Variants in MEIS1 observed in about 807,000 individuals in gnomAD.
The protein encoded by MEIS1 is homeobox protein Meis1.
Under a neutral mutation model 50.8 loss-of-function variants are expected in MEIS1, and 5 were observed. The observed-to-expected ratio is 0.10, with a 90% confidence interval of 0.05 to 0.21. The LOEUF is 0.21. MEIS1 is among the 10% of genes least tolerant of loss of function. The pLI, the probability that MEIS1 is intolerant of heterozygous loss-of-function variation, is 1.00. For missense variants in MEIS1, 318 were observed against 517.3 expected, an observed-to-expected ratio of 0.61 and a Z score of 3.74; for synonymous variants, 176 against 179.3, an observed-to-expected ratio of 0.98 and a Z score of 0.15.
At chr2:66,566,779 C>A (rs148227215) in intron 9 of MEIS1, among the ~76,000 whole-genome samples, 1 of 146,142 alleles carries the variant, frequency 6.8e-6, no homozygotes, top group East Asian at 2.1e-4. Flanking sequence ...TATCTGTGAC[C>A]TTGCCTTGAC....
At chr2:66,481,076 G>T (rs534221657) in intron 7 of MEIS1, among the ~76,000 whole-genome samples, 12 of 152,136 alleles carry the variant, frequency 7.9e-5, no homozygotes, top group Non-Finnish European at 1.6e-4. Flanking sequence ...GTAGAAATGA[G>T]CAGAGAGGCA....
At chr2:66,565,725 A>G (rs1446697948) in intron 9 of MEIS1, among the ~76,000 whole-genome samples, 1 of 152,226 alleles carries the variant, frequency 6.6e-6, no homozygotes, top group Non-Finnish European at 1.5e-5. Flanking sequence ...CTGGAAAAAG[A>G]AAGTTAATAG....
At chr2:66,482,094 T>C (rs934433185) in intron 7 of MEIS1, among the ~76,000 whole-genome samples, 1 of 152,096 alleles carries the variant, frequency 6.6e-6, no homozygotes, top group African/African-American at 2.4e-5. Flanking sequence ...TCTCTTGACC[T>C]TGTGATCTGC....
At chr2:66,524,000 G>A (rs1674188927) in intron 8 of MEIS1, among the ~76,000 whole-genome samples, 1 of 152,216 alleles carries the variant, frequency 6.6e-6, no homozygotes, top group Admixed American at 6.5e-5. Flanking sequence ...AGGAAGGCAA[G>A]GAGAGAAGCA....
At chr2:66,478,291 A>C (rs945174131) in intron 7 of MEIS1, among the ~76,000 whole-genome samples, 6 of 152,216 alleles carry the variant, frequency 3.9e-5, no homozygotes, top group African/African-American at 1.4e-4. Context: ...CATTGCTTTT[A>C]GGCCCCAAGA....
chr2:66,510,053 C>G (rs774092552), intron 7 of MEIS1, among the ~76,000 whole-genome samples: 6 of 152,078 alleles, frequency 3.9e-5, no homozygotes, highest in Non-Finnish European at 8.8e-5. Flanking sequence ...CATTTTTAAT[C>G]AATGATCAGG....
chr2:66,459,201 G>A (rs532826543), intron 6 of MEIS1, among the ~76,000 whole-genome samples: 12 of 152,274 alleles, frequency 7.9e-5, no homozygotes, highest in Middle Eastern at 3.4e-3. Context: ...ATAATCAGGG[G>A]CTGGGGTCAG....
At chr2:66,472,298 AT>A (rs1672780350) in intron 7 of MEIS1, among the ~76,000 whole-genome samples, 1 of 152,218 alleles carries the variant, frequency 6.6e-6, no homozygotes, top group Non-Finnish European at 1.5e-5. Flanking sequence ...GGAAGCATCC[AT>A]TTAATGTAGC....
At position 66,569,101 on chromosome 2, in the gene MEIS1, A is replaced by G; in HGVS notation, c.1166A>G (p.Tyr389Cys). Residue 389 changes from tyrosine (Y) to cysteine (C), a missense_variant, in exon 12 of 13, where the codon TAC becomes TGC. By Grantham distance (194) the Tyr-to-Cys change is radical. Coordinates refer to ENST00000272369, the MANE Select transcript of MEIS1 (RefSeq NM_002398.3). ...MNMGMEGQWHYM is the reference protein window; with the variant it reads ...MNMGMEGQWHCM Reference sequence around the variant, plus strand: ...ATGGGCATGGAGGGGCAGTGGCACTACATGTAACCTTCATCTAGTTAACCA... The same window carrying G: ...ATGGGCATGGAGGGGCAGTGGCACTGCATGTAACCTTCATCTAGTTAACCA... 1 of 1,613,818 alleles carries G rather than the reference A, an allele frequency of 6.2e-7. No individual in the cohort carries two copies. The highest frequency in any genetic ancestry group is 2.2e-5 in the East Asian group (1 of 44,864).
intron 8 of MEIS1, among the ~76,000 whole-genome samples, chr2:66,538,838 A>G (rs1181673577): frequency 6.6e-6 from 1 of 152,192 alleles, no homozygotes; most frequent in East Asian, 1.9e-4. Context: ...GTGTGGTTAG[A>G]GGAAATAGTA....
chr2:66,558,253 T>G (rs563052822), intron 9 of MEIS1, among the ~76,000 whole-genome samples: 1 of 109,286 alleles, frequency 9.2e-6, no homozygotes, highest in Admixed American at 1.5e-4. Flanking sequence ...CACTCCAGCA[T>G]GGGCAACAAG....
At chr2:66,440,523 C>G in intron 3 of MEIS1, 39 bp from the exon 4 acceptor site, 2 of 1,558,468 alleles carry the variant, frequency 1.3e-6, no homozygotes, top group Non-Finnish European at 1.8e-6. Flanking sequence ...TCTTTTTTCT[C>G]TCCCCTCCCT....
At chr2:66,439,065 TTTCTTC>T (rs149035640) in intron 2 of MEIS1, 1,391 of 135,420 alleles carry the variant, frequency 0.01, 10 homozygotes, top group Non-Finnish European at 0.014. Context: ...CTTTTCTTTC[TTTCTTC>T]TTCTTCTTCT....
At chr2:66,467,792 A>G (rs142030709) in intron 7 of MEIS1, among the ~76,000 whole-genome samples, 1 of 152,228 alleles carries the variant, frequency 6.6e-6, no homozygotes, top group African/African-American at 2.4e-5. Context: ...TTCAATATTA[A>G]TACTTGTGGC....
At chr2:66,539,645 A>G (rs1674602127) in intron 8 of MEIS1, among the ~76,000 whole-genome samples, 2 of 152,208 alleles carry the variant, frequency 1.3e-5, no homozygotes, top group Admixed American at 6.5e-5. Flanking sequence ...GTGAGGAGTC[A>G]TATAAGTGAA....
At chr2:66,569,185 G>C in intron 12 of MEIS1, 40 bp downstream of exon 12, 2 of 1,544,010 alleles carry the variant, frequency 1.3e-6, no homozygotes, top group Non-Finnish European at 1.8e-6. Flanking sequence ...TTTGTCCTAG[G>C]AATATTTTTC....
intron 8 of MEIS1, among the ~76,000 whole-genome samples, chr2:66,538,545 CCTA>C (rs796661493): frequency 7.9e-5 from 12 of 152,296 alleles, no homozygotes; most frequent in African/African-American, 2.4e-4. Context: ...GTCATCTACT[CCTA>C]CTCACAAATG....
In MEIS1 at chr2:66,462,974, T is replaced by C. The variant is rs558615010; in HGVS notation, c.631-1135T>C. Among the ~76,000 whole-genome samples, 5 of 152,270 alleles carry C rather than the reference T, an allele frequency of 3.3e-5. No homozygotes were observed. In the South Asian group the frequency reaches 8.3e-4, roughly 25 times the overall value. On this transcript the variant is annotated intron_variant, in intron 6 of 12. Transcript: ENST00000272369. ...CTTTGATTCCTATACAGCATGCCTC[T>C]TAGATGGGATCTTTACTTTTCTCTC...
At chr2:66,532,996 C>T (rs946907237) in intron 8 of MEIS1, among the ~76,000 whole-genome samples, 4 of 152,060 alleles carry the variant, frequency 2.6e-5, no homozygotes, top group African/African-American at 7.2e-5. Context: ...TTGATGAGCT[C>T]GTATTGTGAC....
Sources: gnomAD v4.1 joint callset for allele counts (sites outside exome capture counted in the v4.1 genomes callset) on GRCh38, gnomAD v4.1.1 for gene constraint, MANE v1.5 for transcripts, NCBI Gene and HGNC (gene_info 2026-07-23, HGNC 2026-07-21) for gene names.